DENND3: variants seen among roughly 807,000 people sequenced by gnomAD.
The protein encoded by DENND3 is DENN domain-containing protein 3.
DENND3 carries 88 observed loss-of-function variants against 135.1 expected under a neutral mutation model. That is an observed-to-expected ratio of 0.65 (90% CI 0.55 to 0.78). The LOEUF (loss-of-function observed/expected upper bound fraction) is 0.78. DENND3 is among the 30% of genes least tolerant of loss of function. The pLI is 0.00. For synonymous variants in DENND3, 693 were observed against 712.3 expected (o/e 0.97, Z 0.43); for missense variants, 1,392 against 1,688.4 (o/e 0.82, Z 3.08).
intron 1 of DENND3, among the ~76,000 whole-genome samples, chr8:141,129,184 G>A (rs1815601538): frequency 6.6e-6 from 1 of 152,256 alleles, no homozygotes; most frequent in Admixed American, 6.5e-5. Context: ...TGAAGGTGGG[G>A]TGCACCAGAC....
At position 141,182,039 on chromosome 8, in the gene DENND3, C is replaced by T. The variant is rs1487403083; in HGVS notation, c.2944+1185C>T. On this transcript the variant is annotated intron_variant, in intron 17 of 22. Transcript: ENST00000519811. This position sits in a 1 kb window ranked among gnomAD's most constrained non-coding sequence, Gnocchi z 5.9. ...GAACTCCTGGGCTCAAGCGATACCT[C>T]TCCACCTTGGCCTCCCGAAGCGCTG... 2.0e-5 allele frequency among the ~76,000 whole-genome samples: 3 copies of T among 152,212 alleles called. No individual in the cohort carries two copies. Among genetic ancestry groups the T allele is most frequent in the Non-Finnish European group, 4.4e-5 (3 of 68,038 alleles).
intron 17 of DENND3, among the ~76,000 whole-genome samples, chr8:141,183,419 A>ATTTTTTTTT (rs1224506549): frequency 7.4e-5 from 9 of 121,638 alleles, no homozygotes; most frequent in Non-Finnish European, 1.6e-4. Flanking sequence ...CAATTTTTGT[A>ATTTTTTTTT]TTTTTTTTTT....
chr8:141,156,258 C>G (rs1819420276), intron 8 of DENND3, among the ~76,000 whole-genome samples: 1 of 152,066 alleles, frequency 6.6e-6, no homozygotes, highest in Non-Finnish European at 1.5e-5. Context: ...CACCACCATG[C>G]CTGGCTAATT....
At position 141,154,268 on chromosome 8, in the gene DENND3, G is replaced by T. The variant is rs79505156; in HGVS notation, c.1075-1581G>T. ...GGCTGTTGAAGTGCAGGGCTCGGGT[G>T]CGTGACTCAGTATTTGTGTACTCTG... On this transcript the variant is annotated intron_variant, in intron 7 of 22. Coordinates refer to ENST00000519811, the MANE Select transcript of DENND3 (RefSeq NM_001352890.3). The surrounding 1 kb of genome is among the most constrained non-coding windows in gnomAD (Gnocchi z 4.4). Among the ~76,000 whole-genome samples the T allele has an allele frequency of 2.0e-3, 310 of 152,362 alleles. No homozygotes were observed. The highest frequency in any genetic ancestry group is 3.4e-3 in the Middle Eastern group (1 of 294).
At position 141,138,006 on chromosome 8, in the gene DENND3, C is replaced by T. The variant is rs1172299699; in HGVS notation, c.386-16C>T. 2 of 1,578,040 alleles carry T rather than the reference C, an allele frequency of 1.3e-6. No homozygotes were observed. Among genetic ancestry groups the T allele is most frequent in the African/African-American group, 1.3e-5 (1 of 74,206 alleles). Reference sequence around the variant, plus strand: ...TGGCAAGAACAGGATTCTTCTCTGTCTCTTTCTGCCTGCAGGGGGTGTGTG... The same window carrying T: ...TGGCAAGAACAGGATTCTTCTCTGTTTCTTTCTGCCTGCAGGGGGTGTGTG... On this transcript the variant is annotated splice_polypyrimidine_tract_variant and intron_variant, in intron 2 of 22. Transcript: ENST00000519811. This position sits in a 1 kb window ranked among gnomAD's most constrained non-coding sequence, Gnocchi z 4.8.
At position 141,174,384 on chromosome 8, in the gene DENND3, G is replaced by T. The variant is rs1031532279; in HGVS notation, c.2276-816G>T. ...CAGAACTGAGGGGGACTTGCTGCAC[G>T]TCAGGGGACAGAGAGAGGGACACTG... On this transcript the variant is annotated intron_variant, in intron 13 of 22. Coordinates refer to ENST00000519811, the MANE Select transcript of DENND3 (RefSeq NM_001352890.3). The surrounding 1 kb of genome is among the most constrained non-coding windows in gnomAD (Gnocchi z 4.6). 6.6e-6 allele frequency among the ~76,000 whole-genome samples: 1 copy of T among 152,160 alleles called. No individual in the cohort carries two copies. The highest frequency in any genetic ancestry group is 1.5e-5 in the Non-Finnish European group (1 of 68,022).
At chr8:141,170,386 T>C (rs1157387562) in intron 13 of DENND3, among the ~76,000 whole-genome samples, 1 of 151,890 alleles carries the variant, frequency 6.6e-6, no homozygotes, top group Non-Finnish European at 1.5e-5. Context: ...TGTATATGAA[T>C]GTGTGTGGGT....
intron 1 of DENND3, among the ~76,000 whole-genome samples, chr8:141,132,743 G>A (rs1238730101): frequency 1.3e-5 from 2 of 152,182 alleles, no homozygotes; most frequent in Non-Finnish European, 2.9e-5. Context: ...AAAAACAGGT[G>A]TATGGTGAAC....
At chr8:141,165,803 T>C (rs1195760231) in intron 11 of DENND3, among the ~76,000 whole-genome samples, 1 of 152,138 alleles carries the variant, frequency 6.6e-6, no homozygotes, top group South Asian at 2.1e-4. Flanking sequence ...ACGTGCCCGA[T>C]GTTAGCATGC....
chr8:141,136,008 G>A (rs1697770973), intron 1 of DENND3, among the ~76,000 whole-genome samples: 1 of 152,190 alleles, frequency 6.6e-6, no homozygotes, highest in African/African-American at 2.4e-5. Flanking sequence ...GTATGTGTGG[G>A]GTTTGACAAT....
chr8:141,150,289 CAGCCGTGT>C, intron 5 of DENND3: 1 of 1,280,060 alleles, frequency 7.8e-7, no homozygotes, highest in Non-Finnish European at 1.0e-6. Flanking sequence ...CCGCCAGGTC[CAGCCGTGT>C]CTCAGTAGCC....
chr8:141,168,594 C>T lies in DENND3; in HGVS notation c.2275+69C>T. On this transcript the variant is annotated intron_variant, in intron 13 of 22. Transcript: ENST00000519811. This position sits in a 1 kb window ranked among gnomAD's most constrained non-coding sequence, Gnocchi z 6.2. ...ACAGGGTCTGGCTCTGTCGCCCAGG[C>T]TGGAGTGGACTGGCAATCACAGCTC... 3 of 1,505,898 alleles carry T rather than the reference C, an allele frequency of 2.0e-6. No homozygotes were observed. The highest frequency in any genetic ancestry group is 2.7e-6 in the Non-Finnish European group (3 of 1,124,154). The allele number at this position is 1,505,898 out of a possible 1,614,324, so 93.3% of individuals were successfully genotyped here.
chr8:141,157,888 T>C (rs963302049), intron 8 of DENND3: 8 of 834,310 alleles, frequency 9.6e-6, no homozygotes, highest in Non-Finnish European at 1.2e-5. Flanking sequence ...GCCTCCGGAG[T>C]AGCCGGGATT....
chr8:141,175,516 G>A lies in DENND3; in HGVS notation c.2535+57G>A, dbSNP rs760828697. 8.5e-5 allele frequency: 137 copies of A among 1,611,950 alleles called. No individual in the cohort carries two copies. Among genetic ancestry groups the A allele is most frequent in the Non-Finnish European group, 1.1e-4 (134 of 1,179,890 alleles). On this transcript the variant is annotated intron_variant, in intron 14 of 22. Coordinates refer to ENST00000519811, the MANE Select transcript of DENND3 (RefSeq NM_001352890.3). This position sits in a 1 kb window ranked among gnomAD's most constrained non-coding sequence, Gnocchi z 5.4. ...CCCACCTGTGTTTAGGAGACAGATGGCTGGAGTGGGCCCTGAGCAGTCTGC... is the reference window on the plus strand; with the variant it reads ...CCCACCTGTGTTTAGGAGACAGATGACTGGAGTGGGCCCTGAGCAGTCTGC...
At chr8:141,150,701 T>G in intron 5 of DENND3, 133 bp from the exon 6 acceptor site, 1 of 1,185,256 alleles carries the variant, frequency 8.4e-7, no homozygotes, top group African/African-American at 1.5e-5. Context: ...CTGCAGAATT[T>G]AACGTGGCAG....
At chr8:141,152,129 A>G (rs1818862174) in intron 7 of DENND3, among the ~76,000 whole-genome samples, 2 of 152,254 alleles carry the variant, frequency 1.3e-5, no homozygotes, top group South Asian at 2.1e-4. Context: ...AGGTGCTCAT[A>G]GATGGTACTG....
At chr8:141,186,711 G>C (rs575104433) in intron 18 of DENND3, among the ~76,000 whole-genome samples, 1 of 152,324 alleles carries the variant, frequency 6.6e-6, no homozygotes, top group African/African-American at 2.4e-5. Flanking sequence ...TTTTAGTAGT[G>C]TGTCCTTGGC....
Position 141,192,599 on chromosome 8 carries a change from C to A in DENND3, c.3572C>A (p.Pro1191His). 1 of 1,587,300 alleles carries A rather than the reference C, an allele frequency of 6.3e-7. No individual in the cohort carries two copies. The change falls in exon 22 of 23, where the codon CCC becomes CAC. Residue 1191 changes from proline (P) to histidine (H), a missense_variant. Coordinates refer to ENST00000519811, the MANE Select transcript of DENND3 (RefSeq NM_001352890.3). ...YIWSLKDLAQPPQRVPLEDCS... is the reference protein window; with the variant it reads ...YIWSLKDLAQHPQRVPLEDCS... Reference sequence around the variant, plus strand: ...TGGAGCCTGAAGGACCTGGCCCAGCCCCCGCAGAGGGTGCCCCTCGAGGAC... The same window carrying A: ...TGGAGCCTGAAGGACCTGGCCCAGCACCCGCAGAGGGTGCCCCTCGAGGAC...
At chr8:141,180,618 C>T (rs940891346) in intron 16 of DENND3, 129 bp from the exon 17 acceptor site, 18 of 850,360 alleles carry the variant, frequency 2.1e-5, no homozygotes, top group Middle Eastern at 2.3e-4. Flanking sequence ...AAGAGACCTT[C>T]GTCTTCACAA....
Sources: allele counts gnomAD v4.1 joint callset (sites outside exome capture counted in the v4.1 genomes callset), GRCh38; gene constraint gnomAD v4.1.1; non-coding constraint Gnocchi (gnomAD v3.1); transcripts MANE v1.5; gene names NCBI Gene and HGNC (gene_info 2026-07-23, HGNC 2026-07-21).